The following MFHAS1 variants were observed in gnomAD, a reference collection of about 807,000 sequenced individuals.
MFHAS1 encodes the protein malignant fibrous histiocytoma-amplified sequence 1.
MFHAS1 carries 50 observed loss-of-function variants against 70.4 expected under a neutral mutation model. That is an observed-to-expected ratio of 0.71 (90% CI 0.57 to 0.90). The LOEUF (loss-of-function observed/expected upper bound fraction) is 0.90, where lower values mean the gene tolerates loss of function less well. MFHAS1 is among the 40% of genes least tolerant of loss of function. The pLI is 0.00. For missense variants in MFHAS1, 1,795 were observed against 1,347.6 expected, an observed-to-expected ratio of 1.33 and a Z score of -5.20; for synonymous variants, 952 against 620.0, an observed-to-expected ratio of 1.54 and a Z score of -7.96.
At chr8:8,823,969 C>T (rs555008894) in intron 1 of MFHAS1, among the ~76,000 whole-genome samples, 13 of 142,232 alleles carry the variant, frequency 9.1e-5, no homozygotes, top group South Asian at 8.6e-4. Flanking sequence ...AAGAAAACAA[C>T]GGGAAATCAT....
In MFHAS1 at chr8:8,885,132, T is replaced by C. The variant is rs534299908; in HGVS notation, c.2998+4929A>G. ...CCAAACACCAACAAAACAAGTCAAA[T>C]ATGCTGTGTTGTCGGAGAGGTACAC... On this transcript the variant is annotated intron_variant, in intron 1 of 2. Coordinates refer to ENST00000276282, the MANE Select transcript of MFHAS1 (RefSeq NM_004225.3). 2.0e-5 allele frequency among the ~76,000 whole-genome samples: 3 copies of C among 152,090 alleles called. No homozygotes were observed. The East Asian group carries it at 5.8e-4, about 29-fold the overall frequency.
At chr8:8,834,586 T>C (rs770558698) in intron 1 of MFHAS1, among the ~76,000 whole-genome samples, 5 of 152,212 alleles carry the variant, frequency 3.3e-5, no homozygotes, top group Admixed American at 6.5e-5. Context: ...CAGGTTTCTA[T>C]TCTAGGAGCA....
At chr8:8,830,882 C>T (rs897522728) in intron 1 of MFHAS1, among the ~76,000 whole-genome samples, 1 of 152,244 alleles carries the variant, frequency 6.6e-6, no homozygotes, top group African/African-American at 2.4e-5. Context: ...CAGGCATGAG[C>T]CACCGTGCCC....
intron 1 of MFHAS1, among the ~76,000 whole-genome samples, chr8:8,846,183 G>T (rs1467290564): frequency 6.7e-6 from 1 of 149,492 alleles, no homozygotes; most frequent in Non-Finnish European, 1.5e-5. Flanking sequence ...AACCTGGGAG[G>T]TGGAGGCTGC....
At chr8:8,859,071 G>A (rs572022403) in intron 1 of MFHAS1, among the ~76,000 whole-genome samples, 65 of 152,308 alleles carry the variant, frequency 4.3e-4, no homozygotes, top group Non-Finnish European at 6.6e-4. Flanking sequence ...AGCTCACCAC[G>A]GCTGGTAGTG....
intron 1 of MFHAS1, among the ~76,000 whole-genome samples, chr8:8,834,221 T>C (rs1392932623): frequency 1.3e-5 from 2 of 152,192 alleles, no homozygotes; most frequent in Admixed American, 6.5e-5. Context: ...ACTATGGTGG[T>C]CCCATAAGAT....
intron 1 of MFHAS1, 83 bp from the exon 2 acceptor site, chr8:8,797,574 T>C: frequency 2.1e-6 from 3 of 1,462,322 alleles, no homozygotes; most frequent in Non-Finnish European, 2.8e-6. Context: ...TGCCCGGGGA[T>C]GGGGGCAGGG....
At chr8:8,886,945 G>A (rs1809779968) in intron 1 of MFHAS1, among the ~76,000 whole-genome samples, 1 of 152,128 alleles carries the variant, frequency 6.6e-6, no homozygotes, top group Non-Finnish European at 1.5e-5. Context: ...GGCCAACCTG[G>A]CGAAACCCCC....
chr8:8,891,243 G>A lies in MFHAS1; in HGVS notation c.1816C>T (p.Arg606Cys), dbSNP rs759266255. The A allele has an allele frequency of 6.2e-7, 1 of 1,612,140 alleles. No individual in the cohort carries two copies. Among genetic ancestry groups the A allele is most frequent in the East Asian group, 2.2e-5 (1 of 44,870 alleles). ...YGVSDKNLRRRKAHFQYLLNH... is the reference protein window; with the variant it reads ...YGVSDKNLRRCKAHFQYLLNH... ...AGCAGGTATTGAAAATGGGCCTTGC[G>A]CCGTCGAAGGTTCTTGTCCGAAACG... The change falls in exon 1 of 3, where the codon CGC (arginine) becomes TGC (cysteine). Residue 606 changes from arginine to cysteine, a missense_variant. Arg to Cys is a radical substitution (Grantham distance 180). Transcript: ENST00000276282. The surrounding 1 kb of genome is among the most constrained non-coding windows in gnomAD (Gnocchi z 5.4).
rs1290130853 is a variant in MFHAS1, at chr8:8,784,900, G to A, written c.*1122C>T. ...AAAACAAGGGTATTACTAGTTCTTG[G>A]CAGGAGACCGTCCAATCAGAGGCTC... On this transcript the variant is annotated 3_prime_UTR_variant, in exon 3 of 3. Transcript: ENST00000276282. 1 of 152,136 alleles carries A rather than the reference G, an allele frequency of 6.6e-6. No homozygotes were observed. The highest frequency in any genetic ancestry group is 2.4e-5 in the African/African-American group (1 of 41,416). The allele number at this position is 152,136 out of a possible 1,614,324, so 9.4% of individuals were successfully genotyped here. A position where few individuals can be genotyped will look rare whatever the true frequency, so the allele number is the denominator to read the frequency against.
intron 1 of MFHAS1, chr8:8,860,099 C>T (rs1808604407): frequency 6.6e-6 from 1 of 152,234 alleles, no homozygotes; most frequent in African/African-American, 2.4e-5. Flanking sequence ...TAATTTGGGT[C>T]TGCCTGCTCC....
chr8:8,855,608 C>T (rs182637754), intron 1 of MFHAS1, among the ~76,000 whole-genome samples: 4 of 152,288 alleles, frequency 2.6e-5, no homozygotes, highest in South Asian at 2.1e-4. Context: ...GTAATCCTGG[C>T]GCTTTGGTAG....
At chr8:8,853,667 A>G (rs534589392) in intron 1 of MFHAS1, among the ~76,000 whole-genome samples, 12 of 152,074 alleles carry the variant, frequency 7.9e-5, no homozygotes, top group African/African-American at 2.7e-4. Flanking sequence ...CCAGGGTTCA[A>G]GCGATTCTCC....
At chr8:8,875,795 G>C (rs1012339951) in intron 1 of MFHAS1, among the ~76,000 whole-genome samples, 2 of 152,132 alleles carry the variant, frequency 1.3e-5, no homozygotes, top group Non-Finnish European at 2.9e-5. Flanking sequence ...GTTTCACCAT[G>C]TCAGACTGCT....
intron 1 of MFHAS1, among the ~76,000 whole-genome samples, chr8:8,858,867 C>T (rs1375574405): frequency 6.6e-6 from 1 of 150,736 alleles, no homozygotes; most frequent in Non-Finnish European, 1.5e-5. Flanking sequence ...ATATCCGTAA[C>T]AACAAGGATA....
chr8:8,831,778 T>G (rs934156491), intron 1 of MFHAS1, among the ~76,000 whole-genome samples: 1 of 151,934 alleles, frequency 6.6e-6, no homozygotes, highest in Admixed American at 6.6e-5. Context: ...CCATCTAACT[T>G]TTATATTTTT....
At position 8,790,445 on chromosome 8, in the gene MFHAS1, A is replaced by C. The variant is rs970442618; in HGVS notation, c.3126-4390T>G. ...AAAGTATGAAGATACCTAAGCAGAG[A>C]GGGAAAAATTCCAGTATCAATGTGG... On this transcript the variant is annotated intron_variant, in intron 2 of 2. Transcript: ENST00000276282. The C allele has an allele frequency of 1.3e-5, 12 of 903,502 alleles. No homozygotes were observed. In the African/African-American group the frequency reaches 2.0e-4, roughly 15 times the overall value. 56.0% of individuals were successfully genotyped at this position (903,502 alleles called of 1,614,324 possible).
intron 1 of MFHAS1, among the ~76,000 whole-genome samples, chr8:8,828,451 G>A: frequency 6.6e-6 from 1 of 152,058 alleles, no homozygotes; most frequent in Non-Finnish European, 1.5e-5. Flanking sequence ...TTCTCAGATG[G>A]CCTTCAAAGA....
chr8:8,866,711 T>C lies in MFHAS1; in HGVS notation c.2998+23350A>G, dbSNP rs541342888. On this transcript the variant is annotated intron_variant, in intron 1 of 2. Transcript: ENST00000276282. Reference sequence around the variant, plus strand: ...CTCCCCAGTCTCTTACACATTCTCATAAACAGTGATTGACTCACTTATTTT... The same window carrying C: ...CTCCCCAGTCTCTTACACATTCTCACAAACAGTGATTGACTCACTTATTTT... 2.2e-3 allele frequency among the ~76,000 whole-genome samples: 340 copies of C among 152,292 alleles called. 2 individuals carry two copies. The highest frequency in any genetic ancestry group is 7.8e-3 in the African/African-American group (326 of 41,562).
Sources: allele counts gnomAD v4.1 joint callset (sites outside exome capture counted in the v4.1 genomes callset), GRCh38; gene constraint gnomAD v4.1.1; non-coding constraint Gnocchi (gnomAD v3.1); transcripts MANE v1.5; gene names NCBI Gene and HGNC (gene_info 2026-07-23, HGNC 2026-07-21).